Variants in OR10R2 observed in about 807,000 individuals in gnomAD.
OR10R2 encodes olfactory receptor family 10 subfamily R member 2, also known as olfactory receptor 10R2.
A neutral mutation model predicts 2.4 loss-of-function variants in OR10R2; 1 was observed. The observed-to-expected ratio is 0.41, with a 90% CI of 0.15 to 1.95. The LOEUF (loss-of-function observed/expected upper bound fraction) is 1.95. Ranked by LOEUF, OR10R2 falls within the 30% of genes most tolerant of loss-of-function variation. The pLI is 0.30. For synonymous variants in OR10R2, 166 were observed against 144.8 expected, an observed-to-expected ratio of 1.15 and a Z score of -1.05; for missense variants, 419 against 373.0, an observed-to-expected ratio of 1.12 and a Z score of -1.01.
rs1044902093 is a variant in OR10R2, at chr1:158,475,950, G to T, written c.27+3598G>T. Among the ~76,000 whole-genome samples the T allele has an allele frequency of 1.3e-5, 2 of 152,020 alleles. 1 individual carries two copies. Among genetic ancestry groups the T allele is most frequent in the South Asian group, 4.2e-4 (2 of 4,816 alleles). ...TTATAGGTCAGAAACAGTTTAGGTG[G>T]CATTGAGATGTTTTATATTTTAAAA... On this transcript the variant is annotated intron_variant, in intron 1 of 1. Transcript: ENST00000641067.
At chr1:158,479,840 T>C (rs747196129) in intron 1 of OR10R2, 98 bp from the exon 2 acceptor site, 2 of 1,296,360 alleles carry the variant, frequency 1.5e-6, no homozygotes, top group Admixed American at 4.1e-5. Flanking sequence ...AAAGGCAAGA[T>C]TCTTCTTTGT....
At chr1:158,479,665 T>C (rs894275020) in intron 1 of OR10R2, among the ~76,000 whole-genome samples, 1 of 152,114 alleles carries the variant, frequency 6.6e-6, no homozygotes, top group Non-Finnish European at 1.5e-5. Flanking sequence ...GATATTATCT[T>C]GTATTATTCT....
chr1:158,477,427 C>G (rs1016499296), intron 1 of OR10R2, among the ~76,000 whole-genome samples: 2 of 152,162 alleles, frequency 1.3e-5, no homozygotes, highest in East Asian at 3.9e-4. Flanking sequence ...CCAAAAGGCT[C>G]CTAGAACTGA....
At chr1:158,479,744 T>C in intron 1 of OR10R2, 194 bp from the exon 2 acceptor site, 1 of 619,264 alleles carries the variant, frequency 1.6e-6, no homozygotes, top group Non-Finnish European at 2.9e-6. Flanking sequence ...GAGAAAGAGA[T>C]GTAACTTTGT....
intron 1 of OR10R2, among the ~76,000 whole-genome samples, chr1:158,474,070 G>A (rs1238032513): frequency 5.4e-5 from 8 of 149,154 alleles, no homozygotes; most frequent in South Asian, 2.1e-4. Context: ...ATTTTACAAC[G>A]TTTGCAGGGA....
At chr1:158,476,087 T>C (rs1432491429) in intron 1 of OR10R2, among the ~76,000 whole-genome samples, 1 of 152,140 alleles carries the variant, frequency 6.6e-6, no homozygotes, top group East Asian at 1.9e-4. Context: ...TTTCTAGAAC[T>C]TATTTTATTT....
chr1:158,472,307 C>G (rs1427791679), exon 1 of OR10R2: 7 of 398,970 alleles, frequency 1.8e-5, no homozygotes, highest in Non-Finnish European at 3.1e-5. Flanking sequence ...GCTGATCCAG[C>G]CCATACAGAA....
chr1:158,479,777 G>T, intron 1 of OR10R2, 161 bp from the exon 2 acceptor site: 2 of 686,934 alleles, frequency 2.9e-6, no homozygotes, highest in Non-Finnish European at 5.1e-6. Flanking sequence ...TGGAAGAAGA[G>T]GACCATGAAC....
At chr1:158,473,282 T>C (rs1284034023) in intron 1 of OR10R2, among the ~76,000 whole-genome samples, 1 of 152,184 alleles carries the variant, frequency 6.6e-6, no homozygotes, top group Non-Finnish European at 1.5e-5. Flanking sequence ...CGGAAACTTT[T>C]GTCAAATGAA....
chr1:158,478,534 A>G (rs1378090647), intron 1 of OR10R2, among the ~76,000 whole-genome samples: 2 of 152,320 alleles, frequency 1.3e-5, no homozygotes, highest in East Asian at 3.9e-4. Flanking sequence ...AAGGTATACT[A>G]CATTGCTTTG....
chr1:158,477,136 C>T lies in OR10R2; in HGVS notation c.28-2802C>T, dbSNP rs753933931. On this transcript the variant is annotated intron_variant, in intron 1 of 1. Transcript: ENST00000641067. ...GCAGAAAATTTTCAATAAAATCTAA[C>T]GTCCCTTCATGATAAAAACCCTCAA... Among the ~76,000 whole-genome samples, 5 of 152,110 alleles carry T rather than the reference C, an allele frequency of 3.3e-5. No homozygotes were observed. The East Asian group carries it at 9.6e-4, about 29-fold the overall frequency.
chr1:158,476,956 TCTTA>T (rs1656283395), intron 1 of OR10R2, among the ~76,000 whole-genome samples: 1 of 152,206 alleles, frequency 6.6e-6, no homozygotes, highest in Non-Finnish European at 1.5e-5. Flanking sequence ...TGTTTAAGTT[TCTTA>T]AAGATTCTGA....
At chr1:158,476,978 G>A (rs1656283604) in intron 1 of OR10R2, among the ~76,000 whole-genome samples, 1 of 151,912 alleles carries the variant, frequency 6.6e-6, no homozygotes, top group Non-Finnish European at 1.5e-5. Context: ...TGAATATTAG[G>A]CCTTTGTCTG....
intron 1 of OR10R2, among the ~76,000 whole-genome samples, chr1:158,478,745 G>A (rs1656321060): frequency 6.6e-6 from 1 of 152,114 alleles, no homozygotes; most frequent in Non-Finnish European, 1.5e-5. Context: ...GAAGGAAGGT[G>A]ATAAGGATAA....
exon 2 of OR10R2, chr1:158,480,321 C>A (rs1271495839): frequency 6.2e-7 from 1 of 1,614,006 alleles, no homozygotes; most frequent in African/African-American, 1.3e-5. Flanking sequence ...CCATTTGTCA[C>A]CCTCTGCATT....
intron 1 of OR10R2, among the ~76,000 whole-genome samples, chr1:158,479,461 C>T (rs1012314838): frequency 3.3e-5 from 5 of 152,112 alleles, no homozygotes; most frequent in Admixed American, 1.3e-4. Context: ...TGACACTAAG[C>T]TTTTTTATGA....
chr1:158,480,279 A>G lies in OR10R2; in HGVS notation c.369A>G (p.Leu123=), dbSNP rs770897143. 1.9e-6 allele frequency: 3 copies of G among 1,614,010 alleles called. No individual in the cohort carries two copies. The East Asian group carries it at 6.7e-5, about 36-fold the overall frequency. The change falls in exon 2 of 2, where the codon CTA becomes CTG. Residue 123 remains leucine, a synonymous_variant. Coordinates refer to ENST00000641067, the Ensembl canonical transcript of OR10R2. Reference sequence around the variant, plus strand: ...GTTTTGCCATTACCAACTGCCTGCTATTGGGTGTGATGGGTTATGATCGCT... The same window carrying G: ...GTTTTGCCATTACCAACTGCCTGCTGTTGGGTGTGATGGGTTATGATCGCT...
At chr1:158,480,165 C>T in exon 2 of OR10R2, 1 of 1,614,074 alleles carries the variant, frequency 6.2e-7, no homozygotes, top group Non-Finnish European at 8.5e-7. Context: ...ACACCTTTGT[C>T]ATTCTACCCA....
exon 2 of OR10R2, chr1:158,480,116 A>T: frequency 2.5e-6 from 4 of 1,613,704 alleles, no homozygotes; most frequent in Non-Finnish European, 3.4e-6. Flanking sequence ...ACACCAATGT[A>T]CTTCTTCCTT....
Sources: allele counts gnomAD v4.1 joint callset (sites outside exome capture counted in the v4.1 genomes callset), GRCh38; gene constraint gnomAD v4.1.1; transcripts MANE v1.5; gene names NCBI Gene and HGNC (gene_info 2026-07-23, HGNC 2026-07-21).